Variants in DLGAP2 observed in about 807,000 individuals in gnomAD.
DLGAP2 encodes disks large-associated protein 2.
DLGAP2 carries 26 observed loss-of-function variants against 100.3 expected under a neutral mutation model. The observed-to-expected ratio is 0.26, with a 90% CI of 0.19 to 0.36. The LOEUF (loss-of-function observed/expected upper bound fraction) is 0.36, where lower values mean the gene tolerates loss of function less well. Among genes scored for constraint, DLGAP2 ranks in the 10% least tolerant of loss-of-function variants. DLGAP2 has a pLI of 1.00. For missense variants in DLGAP2, 1,858 were observed against 1,453.2 expected, an observed-to-expected ratio of 1.28 and a Z score of -4.53; for synonymous variants, 886 against 630.1, an observed-to-expected ratio of 1.41 and a Z score of -6.08.
chr8:889,570 CAG>C (rs1797992444), intron 1 of DLGAP2, among the ~76,000 whole-genome samples: 1 of 152,212 alleles, frequency 6.6e-6, no homozygotes, highest in South Asian at 2.1e-4. Flanking sequence ...ACTCTGGACA[CAG>C]ACGGCCACAG....
At chr8:1,285,935 G>A (rs185319514) in intron 3 of DLGAP2, among the ~76,000 whole-genome samples, 12 of 152,314 alleles carry the variant, frequency 7.9e-5, no homozygotes, top group Non-Finnish European at 1.6e-4. Context: ...TCTAGTCTGG[G>A]CAACAGAGAC....
chr8:1,069,363 G>T (rs1314662609), intron 2 of DLGAP2, among the ~76,000 whole-genome samples: 3 of 152,192 alleles, frequency 2.0e-5, no homozygotes, highest in Non-Finnish European at 1.5e-5. Context: ...GAGGACACCA[G>T]GTCTCACTGG....
At position 940,705 on chromosome 8, in the gene DLGAP2, C is replaced by T. The variant is rs376786825; in HGVS notation, c.73+32739C>T. Among the ~76,000 whole-genome samples, 31 of 152,164 alleles carry T rather than the reference C, an allele frequency of 2.0e-4. 1 individual carries two copies. Among genetic ancestry groups the T allele is most frequent in the African/African-American group, 7.5e-4 (31 of 41,440 alleles). ...TGCTCTCCCTCTTCTCCCATGTCTC[C>T]AGATGCTGGGGTTTTGTTTTACAAA... On this transcript the variant is annotated intron_variant, in intron 2 of 14. Transcript: ENST00000637795.
At chr8:926,937 G>A (rs1798828843) in intron 2 of DLGAP2, 4 of 800,294 alleles carry the variant, frequency 5.0e-6, no homozygotes, top group African/African-American at 1.9e-5. Context: ...CGGATTAAAT[G>A]CCTCTGCGCT....
Position 1,548,606 on chromosome 8 carries a change from C to T in DLGAP2, c.173-20C>T. On this transcript the variant is annotated intron_variant, in intron 4 of 14. Coordinates refer to ENST00000637795, the MANE Select transcript of DLGAP2 (RefSeq NM_001346810.2). ...CCGCCGCGCTTCCGGGTGTTCAATG[C>T]CGTTTCTGTTTCCCCACAGACCCGC... is the stretch of plus-strand genomic sequence containing the variant. The T allele has an allele frequency of 2.0e-6, 3 of 1,473,790 alleles. No individual in the cohort carries two copies. Among genetic ancestry groups the T allele is most frequent in the South Asian group, 2.7e-5 (2 of 73,778 alleles). 91.3% of individuals were successfully genotyped at this position (1,473,790 alleles called of 1,614,324 possible).
rs79881563 is a variant in DLGAP2, at chr8:1,241,037, G to C, written c.74-17814G>C. ...CACACATAGCGTCATGTATAGTTCT[G>C]TCTCACACAGAGCATCGTGTCTGGT... is the stretch of plus-strand genomic sequence containing the variant. On this transcript the variant is annotated intron_variant, in intron 2 of 14. Coordinates refer to ENST00000637795, the MANE Select transcript of DLGAP2 (RefSeq NM_001346810.2). Among the ~76,000 whole-genome samples the C allele has an allele frequency of 3.0e-3, 10 of 3,366 alleles. 2 individuals are homozygous for C. Among genetic ancestry groups the C allele is most frequent in the African/African-American group, 6.8e-3 (4 of 584 alleles). 2.2% of individuals were successfully genotyped at this position (3,366 alleles called of 152,430 possible). A position where few individuals can be genotyped will look rare whatever the true frequency, so the allele number is the denominator to read the frequency against.
intron 3 of DLGAP2, among the ~76,000 whole-genome samples, chr8:1,376,905 G>T (rs1031908987): frequency 6.6e-6 from 1 of 152,236 alleles, no homozygotes; most frequent in African/African-American, 2.4e-5. Context: ...CACATCGAAG[G>T]ATTTGTCATG....
At chr8:1,315,613 A>C (rs33985796) in intron 3 of DLGAP2, among the ~76,000 whole-genome samples, 34 of 130,360 alleles carry the variant, frequency 2.6e-4, no homozygotes, top group Middle Eastern at 9.3e-3. Context: ...ACACTCGAGA[A>C]ACTCGGCAGC....
chr8:1,522,618 G>T (rs773010312), intron 4 of DLGAP2, among the ~76,000 whole-genome samples: 2 of 152,208 alleles, frequency 1.3e-5, no homozygotes, highest in Non-Finnish European at 1.5e-5. Flanking sequence ...CCATTGCAAG[G>T]ATTTAAGGGG....
At chr8:1,429,997 C>CATATATATATATATATATGTATATATAT (rs1361890198) in intron 3 of DLGAP2, among the ~76,000 whole-genome samples, 2 of 19,650 alleles carry the variant, frequency 1.0e-4, no homozygotes, top group African/African-American at 2.3e-4. Context: ...GGGAGAGATG[C>CATATATATATATATATATGTATATATAT]ATATATATAC....
At chr8:1,386,161 G>A (rs527509580) in intron 3 of DLGAP2, among the ~76,000 whole-genome samples, 110 of 152,318 alleles carry the variant, frequency 7.2e-4, no homozygotes, top group African/African-American at 2.5e-3. Flanking sequence ...CAGTGACTTT[G>A]CAAAAACTCC....
At chr8:767,564 C>T (rs1328990464) in intron 1 of DLGAP2, among the ~76,000 whole-genome samples, 1 of 152,146 alleles carries the variant, frequency 6.6e-6, no homozygotes, top group Admixed American at 6.5e-5. Context: ...ACCATGTTGG[C>T]CAGGCTGGTC....
intron 1 of DLGAP2, among the ~76,000 whole-genome samples, chr8:786,151 G>A (rs1435279609): frequency 6.6e-6 from 1 of 152,194 alleles, no homozygotes; most frequent in South Asian, 2.1e-4. Flanking sequence ...GCAGGGGCAG[G>A]AAAAGCCCGT....
intron 1 of DLGAP2, among the ~76,000 whole-genome samples, chr8:789,775 G>A (rs1211545381): frequency 2.0e-5 from 3 of 152,166 alleles, no homozygotes; most frequent in Admixed American, 6.5e-5. Context: ...TGGCAAAGCC[G>A]GCAATGCAGT....
At chr8:906,779 T>A (rs1798389741) in intron 1 of DLGAP2, among the ~76,000 whole-genome samples, 1 of 152,190 alleles carries the variant, frequency 6.6e-6, no homozygotes, top group South Asian at 2.1e-4. Context: ...ATGAGAAGCA[T>A]GTGATTGAAC....
In DLGAP2 at chr8:1,201,148, G is replaced by A. The variant is rs559032787; in HGVS notation, c.74-57703G>A. Among the ~76,000 whole-genome samples, 10 of 152,298 alleles carry A rather than the reference G, an allele frequency of 6.6e-5. No homozygotes were observed. The South Asian group carries it at 8.3e-4, about 13-fold the overall frequency. Reference sequence around the variant, plus strand: ...CGTGGGAGGAAGAGGAGGATGCCACGGAGCCCTGTGGAGGCTGAAGCCGCT... The same window carrying A: ...CGTGGGAGGAAGAGGAGGATGCCACAGAGCCCTGTGGAGGCTGAAGCCGCT... On this transcript the variant is annotated intron_variant, in intron 2 of 14. Coordinates refer to ENST00000637795, the MANE Select transcript of DLGAP2 (RefSeq NM_001346810.2).
rs914780967 is a variant in DLGAP2 at position 1,527,081 on chromosome 8, C to T, written c.173-21545C>T. The stretch of plus-strand genomic sequence containing the variant: ...CTCCTGCGAGCAGCGGGTGCCATCA[C>T]AAGCCCACCCGTTACCACAGCTTCA... On this transcript the variant is annotated intron_variant, in intron 4 of 14. Coordinates refer to ENST00000637795, the MANE Select transcript of DLGAP2 (RefSeq NM_001346810.2). 3.9e-5 allele frequency among the ~76,000 whole-genome samples: 6 copies of T among 152,250 alleles called. No homozygotes were observed. The East Asian group carries it at 1.2e-3, about 29-fold the overall frequency.
intron 1 of DLGAP2, among the ~76,000 whole-genome samples, chr8:866,450 C>G (rs1266157412): frequency 6.6e-6 from 1 of 152,190 alleles, no homozygotes; most frequent in Non-Finnish European, 1.5e-5. Context: ...GCCTGTCTTC[C>G]AGTGCTTTCA....
In DLGAP2 at chr8:1,105,672, G is replaced by C. The variant is rs147447916; in HGVS notation, c.74-153179G>C. Among the ~76,000 whole-genome samples the C allele has an allele frequency of 1.7e-3, 261 of 149,796 alleles. 2 individuals carry two copies. The highest frequency in any genetic ancestry group is 5.9e-3 in the African/African-American group (240 of 40,656). The stretch of plus-strand genomic sequence containing the variant: ...TTCTAGGAGGGTTTTCTACTGAAGG[G>C]GGCCATTCTAGGATGGTTTTCTACT... On this transcript the variant is annotated intron_variant, in intron 2 of 14. Coordinates refer to ENST00000637795, the MANE Select transcript of DLGAP2 (RefSeq NM_001346810.2).
Sources: allele counts gnomAD v4.1 joint callset (sites outside exome capture counted in the v4.1 genomes callset), GRCh38; gene constraint gnomAD v4.1.1; transcripts MANE v1.5; gene names NCBI Gene and HGNC (gene_info 2026-07-23, HGNC 2026-07-21).